CTNNA3: variants seen among roughly 807,000 people sequenced by gnomAD.
The protein encoded by CTNNA3 is catenin alpha-3.
CTNNA3 carries 76 observed loss-of-function variants against 95.7 expected under a neutral mutation model. The observed-to-expected ratio is 0.79, with a 90% CI of 0.66 to 0.96. CTNNA3 has a LOEUF of 0.96. Ranked by LOEUF, CTNNA3 falls within the 40% of genes least tolerant of loss-of-function variation. The pLI, the probability that CTNNA3 is intolerant of heterozygous loss-of-function variation, is 0.00. For synonymous variants in CTNNA3, 431 were observed against 374.4 expected (o/e 1.15, Z -1.74); for missense variants, 1,191 against 1,089.8 (o/e 1.09, Z -1.31).
intron 2 of CTNNA3, among the ~76,000 whole-genome samples, chr10:67,633,107 G>A (rs1333892636): frequency 6.6e-6 from 1 of 152,088 alleles, no homozygotes; most frequent in African/African-American, 2.4e-5. Flanking sequence ...CAGCTGCCTT[G>A]CCAGATTATA....
chr10:65,936,005 T>C (rs2077331639), intron 17 of CTNNA3, among the ~76,000 whole-genome samples: 1 of 152,116 alleles, frequency 6.6e-6, no homozygotes, highest in Non-Finnish European at 1.5e-5. Flanking sequence ...GAAAGAAAAG[T>C]ATCAATCTTG....
At chr10:65,932,620 C>T (rs1283549717) in intron 17 of CTNNA3, among the ~76,000 whole-genome samples, 1 of 152,096 alleles carries the variant, frequency 6.6e-6, no homozygotes, top group Non-Finnish European at 1.5e-5. Flanking sequence ...TCTCAACCAT[C>T]TTGTGCTGCT....
At chr10:66,413,497 C>A (rs1304236075) in intron 11 of CTNNA3, among the ~76,000 whole-genome samples, 3 of 152,028 alleles carry the variant, frequency 2.0e-5, no homozygotes, top group Non-Finnish European at 2.9e-5. Context: ...CTCAAATTGG[C>A]CTTAAAAACA....
intron 9 of CTNNA3, among the ~76,000 whole-genome samples, chr10:66,676,181 G>A (rs2394288): frequency 0.55 from 82,503 of 150,784 alleles, 23,228 homozygotes; most frequent in African/African-American, 0.66. Flanking sequence ...GGGGGAAAAA[G>A]AAAACGGTGA....
intron 11 of CTNNA3, among the ~76,000 whole-genome samples, chr10:66,402,271 G>T (rs1233024022): frequency 6.6e-6 from 1 of 152,092 alleles, no homozygotes; most frequent in East Asian, 1.9e-4. Context: ...CCATTGATTA[G>T]ATGCATAGAG....
chr10:66,972,092 T>C (rs1849753513), intron 7 of CTNNA3, among the ~76,000 whole-genome samples: 1 of 152,200 alleles, frequency 6.6e-6, no homozygotes, highest in Non-Finnish European at 1.5e-5. Flanking sequence ...TTTTAAGCTT[T>C]GTTTAGTGTT....
chr10:67,693,530 C>T (rs1415134929), intron 1 of CTNNA3, among the ~76,000 whole-genome samples: 1 of 152,112 alleles, frequency 6.6e-6, no homozygotes, highest in African/African-American at 2.4e-5. Flanking sequence ...AACATGCAAA[C>T]AGAAGTTCAT....
intron 5 of CTNNA3, among the ~76,000 whole-genome samples, chr10:67,508,901 A>T (rs1839514640): frequency 6.6e-6 from 1 of 151,840 alleles, no homozygotes; most frequent in Admixed American, 6.6e-5. Flanking sequence ...TTGAGACCTA[A>T]GTCTCGCTCT....
intron 9 of CTNNA3, among the ~76,000 whole-genome samples, chr10:66,753,166 G>C (rs1160573960): frequency 6.6e-6 from 1 of 152,142 alleles, no homozygotes; most frequent in Non-Finnish European, 1.5e-5. Flanking sequence ...TCTTGCAGCT[G>C]TGTAAGACAT....
chr10:66,263,129 A>C (rs1157341599), intron 13 of CTNNA3, among the ~76,000 whole-genome samples: 1 of 152,032 alleles, frequency 6.6e-6, no homozygotes, highest in East Asian at 1.9e-4. Flanking sequence ...ACATTAGAGA[A>C]AGAACTGAGA....
intron 5 of CTNNA3, among the ~76,000 whole-genome samples, chr10:67,395,356 A>G (rs1844673040): frequency 6.6e-6 from 1 of 152,184 alleles, no homozygotes; most frequent in East Asian, 1.9e-4. Flanking sequence ...GGAAGGAGCC[A>G]TTTATAATCA....
chr10:66,040,058 G>A (rs7071172), intron 15 of CTNNA3, among the ~76,000 whole-genome samples: 50,738 of 151,914 alleles, frequency 0.33, 8,470 homozygotes, highest in South Asian at 0.42. Flanking sequence ...TATAAAAATA[G>A]GCAAAGGACA....
chr10:67,689,009 C>T (rs1049935630), intron 1 of CTNNA3, among the ~76,000 whole-genome samples: 2 of 152,082 alleles, frequency 1.3e-5, no homozygotes, highest in Non-Finnish European at 2.9e-5. Context: ...CTTGCCTGTC[C>T]TCTTAGACCA....
At chr10:67,530,511 G>T (rs1419400561) in intron 4 of CTNNA3, among the ~76,000 whole-genome samples, 1 of 152,210 alleles carries the variant, frequency 6.6e-6, no homozygotes, top group East Asian at 1.9e-4. Flanking sequence ...ACTTGAGAAA[G>T]ATGATTTAGA....
intron 11 of CTNNA3, among the ~76,000 whole-genome samples, chr10:66,514,375 A>T (rs1384795940): frequency 6.6e-6 from 1 of 152,160 alleles, no homozygotes; most frequent in Non-Finnish European, 1.5e-5. Flanking sequence ...AGCAGTGAAT[A>T]TGGGGGAAAA....
intron 12 of CTNNA3, among the ~76,000 whole-genome samples, chr10:66,343,048 A>G (rs575900180): frequency 1.1e-4 from 16 of 152,228 alleles, no homozygotes; most frequent in Admixed American, 9.2e-4. Context: ...AAAACCAGTC[A>G]TTGGCAGAGT....
intron 7 of CTNNA3, among the ~76,000 whole-genome samples, chr10:66,883,856 T>C (rs6480237): frequency 0.81 from 123,553 of 152,026 alleles, 51,428 homozygotes; most frequent in Non-Finnish European, 0.91. Context: ...ATGTAAGATA[T>C]GGTGGTGTCT....
In CTNNA3 at chr10:66,597,541, TA is replaced by T. The variant is rs1424332284; in HGVS notation, c.1374+24150del. Among the ~76,000 whole-genome samples the T allele has an allele frequency of 2.1e-3, 279 of 130,476 alleles. 5 individuals carry two copies. Among genetic ancestry groups the T allele is most frequent in the Admixed American group, 0.015 (206 of 13,348 alleles). The allele number at this position is 130,476 out of a possible 152,430, so 85.6% of individuals were successfully genotyped here. A position where few individuals can be genotyped will look rare whatever the true frequency, so the allele number is the denominator to read the frequency against. Reference sequence around the variant, plus strand: ...ATATATATATATATATATATATATATATATATATATATATTTATTAAAAATT... The same window carrying T: ...ATATATATATATATATATATATATATTATATATATATATTTATTAAAAATT... On this transcript the variant is annotated intron_variant, in intron 10 of 17. Transcript: ENST00000433211.
intron 9 of CTNNA3, among the ~76,000 whole-genome samples, chr10:66,690,252 TATA>T (rs1847469385): frequency 6.6e-6 from 1 of 152,204 alleles, no homozygotes; most frequent in Non-Finnish European, 1.5e-5. Context: ...TGAATTCTAA[TATA>T]ATTTTATTTA....
Sources: allele counts gnomAD v4.1 joint callset (sites outside exome capture counted in the v4.1 genomes callset), GRCh38; gene constraint gnomAD v4.1.1; transcripts MANE v1.5; gene names NCBI Gene and HGNC (gene_info 2026-07-23, HGNC 2026-07-21).